Variants in PTPRN2 observed in about 807,000 individuals in gnomAD.
PTPRN2 encodes protein tyrosine phosphatase receptor type N2, also known as receptor-type tyrosine-protein phosphatase N2.
A neutral mutation model predicts 118.8 loss-of-function variants in PTPRN2; 74 were observed. The observed-to-expected ratio is 0.62, with a 90% CI of 0.52 to 0.76. The LOEUF is 0.76. Among genes scored for constraint, PTPRN2 ranks in the 30% least tolerant of loss-of-function variants. The pLI, the probability that PTPRN2 is intolerant of heterozygous loss-of-function variation, is 0.00. For synonymous variants in PTPRN2, 641 were observed against 608.0 expected (o/e 1.05, Z -0.80); for missense variants, 1,481 against 1,394.4 (o/e 1.06, Z -0.99).
chr7:157,778,742 C>T (rs1448307151), intron 12 of PTPRN2, among the ~76,000 whole-genome samples: 1 of 151,982 alleles, frequency 6.6e-6, no homozygotes, highest in Non-Finnish European at 1.5e-5. Flanking sequence ...GTGCCGAATG[C>T]CCACGTAAAC....
intron 11 of PTPRN2, among the ~76,000 whole-genome samples, chr7:158,005,403 T>A (rs1805567437): frequency 6.6e-6 from 1 of 152,094 alleles, no homozygotes; most frequent in South Asian, 2.1e-4. Flanking sequence ...GTGCAGCTTA[T>A]GGTGGCGAAT....
intron 7 of PTPRN2, among the ~76,000 whole-genome samples, chr7:158,137,921 C>T (rs1818983827): frequency 6.6e-6 from 1 of 152,146 alleles, no homozygotes; most frequent in Non-Finnish European, 1.5e-5. Flanking sequence ...AGGACCAATG[C>T]ACGCCCCAAG....
At chr7:158,083,375 G>C (rs1038275525) in intron 10 of PTPRN2, among the ~76,000 whole-genome samples, 3 of 152,184 alleles carry the variant, frequency 2.0e-5, no homozygotes, top group African/African-American at 7.2e-5. Context: ...TGAGGACAGA[G>C]AGCTCAGCCA....
rs545752743 is a variant in PTPRN2, at chr7:157,787,418, C to T, written c.1789-104481G>A. On this transcript the variant is annotated intron_variant, in intron 12 of 22. Transcript: ENST00000389418. This position sits in a 1 kb window ranked among gnomAD's most constrained non-coding sequence, Gnocchi z 5.3. ...GCCATAGAAAGTCTGGCGCAGCAGCCGGTGGGCCTGGGGGGCGCGTGGACT... is the reference window on the plus strand; with the variant it reads ...GCCATAGAAAGTCTGGCGCAGCAGCTGGTGGGCCTGGGGGGCGCGTGGACT... Among the ~76,000 whole-genome samples, 8 of 152,212 alleles carry T rather than the reference C, an allele frequency of 5.3e-5. No individual in the cohort carries two copies. The highest frequency in any genetic ancestry group is 1.9e-4 in the East Asian group (1 of 5,144).
At chr7:157,918,535 C>T (rs1207868909) in intron 11 of PTPRN2, among the ~76,000 whole-genome samples, 1 of 152,142 alleles carries the variant, frequency 6.6e-6, no homozygotes, top group African/African-American at 2.4e-5. Flanking sequence ...TCGCATCAAA[C>T]TACTCATTAT....
chr7:157,918,178 G>A (rs1372149844), intron 11 of PTPRN2, among the ~76,000 whole-genome samples: 1 of 152,214 alleles, frequency 6.6e-6, no homozygotes, highest in Non-Finnish European at 1.5e-5. Flanking sequence ...TAAATGTAAA[G>A]CTGAACCAGG....
At chr7:157,945,594 TCGCCTCCACCTCAGACAATGG>T (rs1563262971) in intron 11 of PTPRN2, among the ~76,000 whole-genome samples, 1 of 151,294 alleles carries the variant, frequency 6.6e-6, no homozygotes, top group Admixed American at 6.6e-5. Flanking sequence ...TTGGACAATG[TCGCCTCCACCTCAGACAATGG>T]CGCCTCCAGC....
intron 12 of PTPRN2, among the ~76,000 whole-genome samples, chr7:157,742,420 T>G (rs1800687711): frequency 6.6e-6 from 1 of 151,894 alleles, no homozygotes; most frequent in Non-Finnish European, 1.5e-5. Context: ...TTTGAGATTG[T>G]GAGGGTATTT....
At chr7:157,781,751 A>G (rs1803693654) in intron 12 of PTPRN2, among the ~76,000 whole-genome samples, 1 of 152,190 alleles carries the variant, frequency 6.6e-6, no homozygotes, top group African/African-American at 2.4e-5. Flanking sequence ...CTGACTTCAC[A>G]GTACCCAAAA....
chr7:158,358,697 C>T lies in PTPRN2; in HGVS notation c.164-41765G>A, dbSNP rs764126260. On this transcript the variant is annotated intron_variant, in intron 2 of 22. Transcript: ENST00000389418. The stretch of plus-strand genomic sequence containing the variant: ...AGCACGCGGTGCTGCCTTTAGCGTT[C>T]GGCTGCAGCCGGGCACATGCTCCGA... Among the ~76,000 whole-genome samples, 125 of 152,312 alleles carry T rather than the reference C, an allele frequency of 8.2e-4. 1 individual carries two copies. The highest frequency in any genetic ancestry group is 2.9e-3 in the African/African-American group (122 of 41,568).
In PTPRN2 at chr7:158,395,374, G is replaced by GC. The variant is rs58550223; in HGVS notation, c.164-78443_164-78442insG. On this transcript the variant is annotated intron_variant, in intron 2 of 22. Transcript: ENST00000389418. ...AGGGGCCAGGGGCGAGGGGCGAGGG[G>GC]GAGGCGCGAGGGGCGAGGGGCCAGG... Among the ~76,000 whole-genome samples the GC allele has an allele frequency of 7.0e-3, 26 of 3,702 alleles. 3 individuals carry two copies. Among genetic ancestry groups the GC allele is most frequent in the South Asian group, 0.012 (1 of 82 alleles). 2.4% of individuals were successfully genotyped at this position (3,702 alleles called of 152,430 possible).
intron 2 of PTPRN2, among the ~76,000 whole-genome samples, chr7:158,386,381 G>A (rs28428801): frequency 4.1e-4 from 38 of 92,616 alleles, no homozygotes; most frequent in Admixed American, 8.1e-4. Flanking sequence ...CCCTCCTCCC[G>A]TGCCCCAAGT....
chr7:157,984,297 C>T (rs1339622346), intron 11 of PTPRN2, among the ~76,000 whole-genome samples: 4 of 144,216 alleles, frequency 2.8e-5, no homozygotes, highest in Non-Finnish European at 6.1e-5. Context: ...CCCCATCCCA[C>T]GCCAGGCTCC....
chr7:158,270,209 G>A lies in PTPRN2; in HGVS notation c.277+46610C>T, dbSNP rs372738234. ...GGCCAGCAGTGACTCAGGGCCTGGA[G>A]AGCCCCGTGGGCAGAGGCTGCCTGG... On this transcript the variant is annotated intron_variant, in intron 3 of 22. Transcript: ENST00000389418. 2.0e-5 allele frequency among the ~76,000 whole-genome samples: 3 copies of A among 152,358 alleles called. 1 individual carries two copies. Among genetic ancestry groups the A allele is most frequent in the African/African-American group, 7.2e-5 (3 of 41,578 alleles).
At chr7:157,722,230 T>A (rs1191720845) in intron 12 of PTPRN2, among the ~76,000 whole-genome samples, 2 of 152,234 alleles carry the variant, frequency 1.3e-5, no homozygotes, top group Non-Finnish European at 2.9e-5. Context: ...TGAGACCACG[T>A]GTGCCATGTG....
intron 2 of PTPRN2, among the ~76,000 whole-genome samples, chr7:158,337,287 A>G (rs1186353265): frequency 6.6e-6 from 1 of 150,820 alleles, no homozygotes; most frequent in African/African-American, 2.4e-5. Flanking sequence ...TCACACTCTC[A>G]CCATAAGAGC....
chr7:157,611,453 G>A lies in PTPRN2; in HGVS notation c.2345-7378C>T, dbSNP rs911904551. Among the ~76,000 whole-genome samples, 4 of 152,302 alleles carry A rather than the reference G, an allele frequency of 2.6e-5. No homozygotes were observed. Among genetic ancestry groups the A allele is most frequent in the East Asian group, 3.9e-4 (2 of 5,168 alleles). On this transcript the variant is annotated intron_variant, in intron 15 of 22. Coordinates refer to ENST00000389418, the MANE Select transcript of PTPRN2 (RefSeq NM_002847.5). The surrounding 1 kb of genome is among the most constrained non-coding windows in gnomAD (Gnocchi z 5.9). The stretch of plus-strand genomic sequence containing the variant: ...ACGCCAAAGGTGTGTGGGGGTTGCC[G>A]TGGCCAGGCAGCGCCCGCCCAGTCA...
intron 3 of PTPRN2, among the ~76,000 whole-genome samples, chr7:158,287,194 T>G (rs1015656319): frequency 1.3e-5 from 2 of 152,154 alleles, no homozygotes; most frequent in African/African-American, 4.8e-5. Context: ...GTTTCCTCCT[T>G]CATTTCTCAT....
At chr7:158,474,946 C>G (rs1820134423) in intron 2 of PTPRN2, among the ~76,000 whole-genome samples, 1 of 152,210 alleles carries the variant, frequency 6.6e-6, no homozygotes, top group Non-Finnish European at 1.5e-5. Context: ...GGCAATGATG[C>G]AAACTGGCAT....
Sources: allele counts gnomAD v4.1 joint callset (sites outside exome capture counted in the v4.1 genomes callset), GRCh38; gene constraint gnomAD v4.1.1; non-coding constraint Gnocchi (gnomAD v3.1); transcripts MANE v1.5; gene names NCBI Gene and HGNC (gene_info 2026-07-23, HGNC 2026-07-21).